CSMD1: variants seen among roughly 807,000 people sequenced by gnomAD.
CSMD1 encodes the protein CUB and Sushi multiple domains 1, also known as CUB and sushi domain-containing protein 1.
CSMD1 carries 213 observed loss-of-function variants against 417.5 expected under a neutral mutation model. The observed-to-expected ratio is 0.51, with a 90% CI of 0.46 to 0.57. The LOEUF (loss-of-function observed/expected upper bound fraction) is 0.57. Ranked by LOEUF, CSMD1 falls within the 20% of genes least tolerant of loss-of-function variation. The probability of loss-of-function intolerance (pLI) is 0.00; values close to 1 mark genes in which losing one functional copy is unlikely to be tolerated. For synonymous variants in CSMD1, 2,862 were observed against 1,736.8 expected, an observed-to-expected ratio of 1.65 and a Z score of -16.11; for missense variants, 6,923 against 4,529.7, an observed-to-expected ratio of 1.53 and a Z score of -15.17.
intron 6 of CSMD1, among the ~76,000 whole-genome samples, chr8:3,723,844 T>G (rs1187383785): frequency 5.3e-5 from 8 of 152,196 alleles, no homozygotes; most frequent in African/African-American, 1.9e-4. Context: ...AGTAAAAATT[T>G]CATTCAAAAT....
At chr8:4,302,200 C>A (rs762289775) in intron 3 of CSMD1, among the ~76,000 whole-genome samples, 5 of 152,038 alleles carry the variant, frequency 3.3e-5, no homozygotes, top group Non-Finnish European at 7.4e-5. Flanking sequence ...TAATAAAAAA[C>A]AAAGCTTTAA....
At chr8:4,702,400 C>A (rs1307234723) in intron 1 of CSMD1, among the ~76,000 whole-genome samples, 1 of 152,222 alleles carries the variant, frequency 6.6e-6, no homozygotes, top group African/African-American at 2.4e-5. Context: ...TTTTGAACAA[C>A]AGTTTTGAAA....
chr8:2,992,216 C>T (rs1045735413), intron 54 of CSMD1, among the ~76,000 whole-genome samples: 1 of 143,960 alleles, frequency 6.9e-6, no homozygotes, highest in Non-Finnish European at 1.5e-5. Flanking sequence ...CACATGCACA[C>T]ACACATGCAC....
At chr8:3,097,892 T>A (rs1041047643) in intron 46 of CSMD1, among the ~76,000 whole-genome samples, 9 of 152,352 alleles carry the variant, frequency 5.9e-5, no homozygotes, top group Non-Finnish European at 1.3e-4. Context: ...GGAGCCCTGA[T>A]TCCTAAGGGA....
intron 3 of CSMD1, among the ~76,000 whole-genome samples, chr8:4,064,237 C>A (rs1047812140): frequency 2.0e-5 from 3 of 152,162 alleles, no homozygotes; most frequent in African/African-American, 7.2e-5. Flanking sequence ...AGTGGTCATT[C>A]GCTGATGGAA....
chr8:3,861,931 G>C (rs537138401), intron 5 of CSMD1, among the ~76,000 whole-genome samples: 1 of 152,106 alleles, frequency 6.6e-6, no homozygotes, highest in Admixed American at 6.6e-5. Flanking sequence ...CTTGCTCCTG[G>C]AAAGTCAATC....
intron 68 of CSMD1, among the ~76,000 whole-genome samples, chr8:2,945,400 C>T (rs541684673): frequency 6.6e-4 from 101 of 152,276 alleles, no homozygotes; most frequent in African/African-American, 2.3e-3. Context: ...TTAGATATAA[C>T]AGCATTTATT....
At chr8:3,363,316 C>T (rs1424612235) in intron 20 of CSMD1, among the ~76,000 whole-genome samples, 3 of 152,078 alleles carry the variant, frequency 2.0e-5, no homozygotes, top group African/African-American at 4.8e-5. Context: ...GTCATGGTAC[C>T]ATTGAAGGAG....
chr8:3,211,839 G>A (rs890865919), intron 30 of CSMD1, among the ~76,000 whole-genome samples: 1 of 152,178 alleles, frequency 6.6e-6, no homozygotes, highest in Non-Finnish European at 1.5e-5. Context: ...AAGAGCACAG[G>A]GCAAGCACCC....
Position 4,661,740 on chromosome 8 carries a change from A to T in CSMD1, c.86-24182T>A, listed in dbSNP as rs538083950. 2.0e-5 allele frequency among the ~76,000 whole-genome samples: 3 copies of T among 152,356 alleles called. No individual in the cohort carries two copies. In the South Asian group the frequency reaches 6.2e-4, roughly 32 times the overall value. ...AAAGTTTAATTTCAAAACAAAATAT[A>T]GACTAAGATCAATGTTTTTATAAGA... On this transcript the variant is annotated intron_variant, in intron 1 of 69. Coordinates refer to ENST00000635120, the MANE Select transcript of CSMD1 (RefSeq NM_033225.6).
At position 2,980,315 on chromosome 8, in the gene CSMD1, T is replaced by TCTCCTC. The variant is rs146468031; in HGVS notation, c.8378-1521_8378-1516dup. Among the ~76,000 whole-genome samples the TCTCCTC allele has an allele frequency of 1.3e-3, 193 of 148,974 alleles. 1 individual carries two copies. In the East Asian group the frequency reaches 0.022, roughly 17 times the overall value. ...GCCAGATTGAGCTGATGCCACCATTTCTCCTCCTCCTCCTCCTCCTCCTCC... is the reference window on the plus strand; with the variant it reads ...GCCAGATTGAGCTGATGCCACCATTTCTCCTCCTCCTCCTCCTCCTCCTCCTCCTCC... On this transcript the variant is annotated intron_variant, in intron 54 of 69. Transcript: ENST00000635120.
chr8:4,192,158 T>C (rs1389443524), intron 3 of CSMD1, among the ~76,000 whole-genome samples: 3 of 152,102 alleles, frequency 2.0e-5, no homozygotes, highest in Non-Finnish European at 2.9e-5. Flanking sequence ...AGTGCACCAA[T>C]AGGCATGTTA....
chr8:4,222,198 C>G lies in CSMD1; in HGVS notation c.416-190099G>C, dbSNP rs904286316. Among the ~76,000 whole-genome samples, 8 of 152,132 alleles carry G rather than the reference C, an allele frequency of 5.3e-5. No homozygotes were observed. In the East Asian group the frequency reaches 1.4e-3, roughly 26 times the overall value. On this transcript the variant is annotated intron_variant, in intron 3 of 69. Coordinates refer to ENST00000635120, the MANE Select transcript of CSMD1 (RefSeq NM_033225.6). ...TCTGTGTCTACACTCACAAGCTCTA[C>G]CAGATAATTGAATCAAGATTCCTGT...
intron 12 of CSMD1, among the ~76,000 whole-genome samples, chr8:3,439,012 C>T (rs1283774043): frequency 2.7e-5 from 4 of 148,902 alleles, no homozygotes; most frequent in East Asian, 2.0e-4. Flanking sequence ...ATCCCAGCTA[C>T]CCAGGAGGCT....
intron 5 of CSMD1, among the ~76,000 whole-genome samples, chr8:3,788,229 T>C (rs57862151): frequency 0.016 from 2,460 of 152,348 alleles, 55 homozygotes; most frequent in South Asian, 0.041. Context: ...TTAACAGGCA[T>C]AGACCTGCAT....
intron 5 of CSMD1, among the ~76,000 whole-genome samples, chr8:3,837,423 A>G (rs1294447703): frequency 2.0e-5 from 3 of 152,156 alleles, no homozygotes; most frequent in Non-Finnish European, 4.4e-5. Context: ...AGGACTGCCT[A>G]CGTCACATAT....
At chr8:3,861,639 TG>T (rs1804716675) in intron 5 of CSMD1, among the ~76,000 whole-genome samples, 1 of 152,084 alleles carries the variant, frequency 6.6e-6, no homozygotes, top group Non-Finnish European at 1.5e-5. Context: ...CTTGTTGTCT[TG>T]GAGATGTATA....
Position 4,897,543 on chromosome 8 carries a change from C to T in CSMD1, c.85+96789G>A, listed in dbSNP as rs115521009. On this transcript the variant is annotated intron_variant, in intron 1 of 69. Transcript: ENST00000635120. Reference sequence around the variant, plus strand: ...TTCGGTGACAAAATTAAACTATGTGCTAGTGTTTAATAGATTGCAATTTGT... The same window carrying T: ...TTCGGTGACAAAATTAAACTATGTGTTAGTGTTTAATAGATTGCAATTTGT... 9.3e-3 allele frequency among the ~76,000 whole-genome samples: 1,416 copies of T among 152,118 alleles called. 37 individuals carry two copies. Among genetic ancestry groups the T allele is most frequent in the African/African-American group, 0.033 (1,377 of 41,434 alleles).
intron 3 of CSMD1, among the ~76,000 whole-genome samples, chr8:4,043,358 C>T (rs1002412375): frequency 5.9e-5 from 9 of 151,942 alleles, no homozygotes; most frequent in African/African-American, 2.2e-4. Context: ...AAGCAAACTG[C>T]AAGGTGGTAA....
Sources: gnomAD v4.1 joint callset for allele counts (sites outside exome capture counted in the v4.1 genomes callset) on GRCh38, gnomAD v4.1.1 for gene constraint, MANE v1.5 for transcripts, NCBI Gene and HGNC (gene_info 2026-07-23, HGNC 2026-07-21) for gene names.